TRMT11: variants seen among roughly 807,000 people sequenced by gnomAD.
TRMT11 encodes tRNA methyltransferase 11.
TRMT11 carries 53 observed loss-of-function variants against 62.8 expected under a neutral mutation model. The observed-to-expected ratio is 0.84, with a 90% CI of 0.68 to 1.06. TRMT11 has a LOEUF of 1.06. TRMT11 is among the 50% of genes least tolerant of loss of function. TRMT11 has a pLI of 0.00. For missense variants in TRMT11, 556 were observed against 553.4 expected, an observed-to-expected ratio of 1.00 and a Z score of -0.05; for synonymous variants, 188 against 190.3, an observed-to-expected ratio of 0.99 and a Z score of 0.10.
At chr6:126,037,318 T>G (rs1357516622) in intron 12 of TRMT11, among the ~76,000 whole-genome samples, 4 of 152,082 alleles carry the variant, frequency 2.6e-5, no homozygotes, top group Non-Finnish European at 2.9e-5. Context: ...AGCTGACAAG[T>G]TTTGTTAGGT....
chr6:126,096,697 G>T (rs578182969), intron 17 of TRMT11, among the ~76,000 whole-genome samples: 1 of 152,192 alleles, frequency 6.6e-6, no homozygotes, highest in African/African-American at 2.4e-5. Context: ...GTAGTCCCTA[G>T]AATGATCCTG....
chr6:126,129,233 T>G (rs1777753739), intron 21 of TRMT11, among the ~76,000 whole-genome samples: 1 of 152,116 alleles, frequency 6.6e-6, no homozygotes. Flanking sequence ...GTGCGCAACT[T>G]GAGATAAGTT....
chr6:126,074,251 T>G (rs1281682482), intron 17 of TRMT11, among the ~76,000 whole-genome samples: 1 of 152,204 alleles, frequency 6.6e-6, no homozygotes, highest in Non-Finnish European at 1.5e-5. Context: ...CAGGGATGCC[T>G]TCTCCAACTC....
chr6:126,217,734 G>A, the TRMT11 span, among the ~76,000 whole-genome samples: 8 of 152,000 alleles, frequency 5.3e-5, no homozygotes, highest in African/African-American at 7.3e-5. Flanking sequence ...TATGGCTTGC[G>A]GTAATCACTA....
chr6:126,055,898 A>T (rs1207329536), intron 17 of TRMT11, among the ~76,000 whole-genome samples: 1 of 152,210 alleles, frequency 6.6e-6, no homozygotes, highest in Non-Finnish European at 1.5e-5. Context: ...ATACCCAATG[A>T]AAAGTTTCCC....
At chr6:126,107,708 T>C (rs914756227) in intron 17 of TRMT11, among the ~76,000 whole-genome samples, 1 of 152,168 alleles carries the variant, frequency 6.6e-6, no homozygotes, top group African/African-American at 2.4e-5. Context: ...ATACATATTA[T>C]TGCCCGTGGC....
intron 21 of TRMT11, among the ~76,000 whole-genome samples, chr6:126,145,492 C>G (rs1261685321): frequency 1.3e-5 from 2 of 152,176 alleles, no homozygotes; most frequent in Non-Finnish European, 2.9e-5. Context: ...CCATTTAGCG[C>G]CAGGCACCCA....
At chr6:126,130,544 T>C (rs1206311710) in intron 21 of TRMT11, among the ~76,000 whole-genome samples, 3 of 150,676 alleles carry the variant, frequency 2.0e-5, no homozygotes, top group African/African-American at 7.4e-5. Context: ...AATGTGATAA[T>C]GGATAAAACG....
chr6:126,028,877 G>A (rs1456196596), intron 12 of TRMT11, among the ~76,000 whole-genome samples: 1 of 152,136 alleles, frequency 6.6e-6, no homozygotes, highest in East Asian at 1.9e-4. Flanking sequence ...TGAAGCCTGA[G>A]AGAACACATG....
intron 17 of TRMT11, among the ~76,000 whole-genome samples, chr6:126,089,033 C>T (rs1324773773): frequency 1.3e-5 from 2 of 151,764 alleles, no homozygotes; most frequent in Middle Eastern, 3.5e-3. Context: ...CCAATATCAC[C>T]TTGTCTTATT....
chr6:126,031,995 T>A (rs1774288670), intron 12 of TRMT11, among the ~76,000 whole-genome samples: 1 of 152,118 alleles, frequency 6.6e-6, no homozygotes, highest in Admixed American at 6.6e-5. Flanking sequence ...GAGGTAGATA[T>A]GGCAGGACTC....
At chr6:126,120,870 GTCATCAAACTTCT>G (rs1192574893) in intron 21 of TRMT11, among the ~76,000 whole-genome samples, 2 of 152,106 alleles carry the variant, frequency 1.3e-5, no homozygotes, top group Admixed American at 6.6e-5. Context: ...ATAGATTTGA[GTCATCAAACTTCT>G]TCCCTAAGTT....
At position 126,025,940 on chromosome 6, in the gene TRMT11, A is replaced by G. The variant is rs533139878; in HGVS notation, c.1260+4660A>G. Among the ~76,000 whole-genome samples the G allele has an allele frequency of 4.6e-5, 7 of 152,354 alleles. No individual in the cohort carries two copies. In the South Asian group the frequency reaches 1.2e-3, roughly 27 times the overall value. ...AACAAAAATTGTCTAAGCAATATTGATATTTTATAAAATGTTGAAGTTTTG... is the reference window on the plus strand; with the variant it reads ...AACAAAAATTGTCTAAGCAATATTGGTATTTTATAAAATGTTGAAGTTTTG... On this transcript the variant is annotated intron_variant, in intron 12 of 12. Transcript: ENST00000334379.
chr6:126,014,391 C>T (rs1399624761), intron 11 of TRMT11, among the ~76,000 whole-genome samples: 1 of 152,122 alleles, frequency 6.6e-6, no homozygotes. Flanking sequence ...GCTGGGATTA[C>T]AGGTGCACGC....
chr6:125,987,013 G>A (rs545849730), intron 1 of TRMT11: 78 of 211,110 alleles, frequency 3.7e-4, no homozygotes, highest in Admixed American at 1.4e-3. Context: ...TGGTGGTGGG[G>A]ATTAGATGAT....
the TRMT11 span, among the ~76,000 whole-genome samples, chr6:126,228,449 C>G: frequency 1.3e-5 from 2 of 152,218 alleles, no homozygotes; most frequent in African/African-American, 4.8e-5. Context: ...CGGTGACTCT[C>G]CTCTATCAAA....
intron 21 of TRMT11, among the ~76,000 whole-genome samples, chr6:126,120,833 TTAAA>T (rs1777641872): frequency 6.6e-6 from 1 of 152,150 alleles, no homozygotes; most frequent in Non-Finnish European, 1.5e-5. Flanking sequence ...CAAAGTTATA[TTAAA>T]TAGTTTCATC....
chr6:126,166,708 C>T (rs1051333154), intron 21 of TRMT11, among the ~76,000 whole-genome samples: 4 of 152,180 alleles, frequency 2.6e-5, no homozygotes, highest in East Asian at 3.9e-4. Flanking sequence ...AAGCTGCACC[C>T]AGAGCTGCCC....
chr6:126,222,078 T>C, the TRMT11 span, among the ~76,000 whole-genome samples: 835 of 152,242 alleles, frequency 5.5e-3, 4 homozygotes, highest in Non-Finnish European at 0.01. Flanking sequence ...GTCCTTTCCC[T>C]GTTGCTTGTT....
Sources: gnomAD v4.1 joint callset for allele counts (sites outside exome capture counted in the v4.1 genomes callset) on GRCh38, gnomAD v4.1.1 for gene constraint, MANE v1.5 for transcripts, NCBI Gene and HGNC (gene_info 2026-07-23, HGNC 2026-07-21) for gene names.